The following GLIPR1L2 variants were observed in gnomAD, a reference collection of about 807,000 sequenced individuals.
The protein encoded by GLIPR1L2 is GLIPR1 like 2.
In GLIPR1L2, 21 loss-of-function variants were observed where a neutral mutation model predicts 28.4. The observed-to-expected ratio is 0.74, with a 90% CI of 0.52 to 1.06. The LOEUF (loss-of-function observed/expected upper bound fraction) is 1.06. Among genes scored for constraint, GLIPR1L2 ranks in the 50% least tolerant of loss-of-function variants. The probability of loss-of-function intolerance (pLI) is 0.00; values close to 1 mark genes in which losing one functional copy is unlikely to be tolerated. For synonymous variants in GLIPR1L2, 145 were observed against 139.3 expected (o/e 1.04, Z -0.29); for missense variants, 476 against 416.9 (o/e 1.14, Z -1.23).
Position 75,426,817 on chromosome 12 carries a change from C to T in GLIPR1L2, c.670+3828C>T, listed in dbSNP as rs142906143. 4.9e-3 allele frequency among the ~76,000 whole-genome samples: 742 copies of T among 152,246 alleles called. 4 individuals carry two copies. The highest frequency in any genetic ancestry group is 0.017 in the Middle Eastern group (5 of 294). On this transcript the variant is annotated intron_variant, in intron 4 of 5. Coordinates refer to ENST00000550916, the MANE Select transcript of GLIPR1L2 (RefSeq NM_001270396.2). ...GTGTCAACCAAGAATTTATATACAG[C>T]AAAACCTATTATTCAAGTGTAATGA...
intron 1 of GLIPR1L2, 81 bp from the exon 2 acceptor site, chr12:75,410,353 C>A: frequency 7.7e-7 from 1 of 1,296,176 alleles, no homozygotes; most frequent in Non-Finnish European, 1.0e-6. Context: ...TCCTTTAAAT[C>A]TAATGATAAC....
chr12:75,399,206 T>C (rs2045713471), intron 1 of GLIPR1L2, among the ~76,000 whole-genome samples: 1 of 152,156 alleles, frequency 6.6e-6, no homozygotes, highest in African/African-American at 2.4e-5. Flanking sequence ...AGTAAAATAA[T>C]ACAGTATTAG....
Position 75,391,888 on chromosome 12 carries a change from T to G in GLIPR1L2, c.234+538T>G, listed in dbSNP as rs114231410. ...TGTTTGTTATCTTGATTTTTTTTTT[T>G]TGTGCCCATTCCAAATTTGGCTCCT... On this transcript the variant is annotated intron_variant, in intron 1 of 5. Transcript: ENST00000550916. Among the ~76,000 whole-genome samples the G allele has an allele frequency of 8.9e-3, 1,347 of 151,840 alleles. 23 individuals are homozygous for G. The highest frequency in any genetic ancestry group is 0.031 in the African/African-American group (1,272 of 41,308).
intron 4 of GLIPR1L2, among the ~76,000 whole-genome samples, chr12:75,424,997 C>T (rs940587773): frequency 2.0e-5 from 3 of 152,060 alleles, no homozygotes; most frequent in African/African-American, 4.8e-5. Context: ...ACACGAGATG[C>T]AGTGGGCACG....
At chr12:75,404,360 C>A (rs1235164844) in intron 1 of GLIPR1L2, among the ~76,000 whole-genome samples, 3 of 152,076 alleles carry the variant, frequency 2.0e-5, no homozygotes, top group African/African-American at 4.8e-5. Context: ...ATTCCTCAAA[C>A]TCTCAGAAAA....
intron 1 of GLIPR1L2, among the ~76,000 whole-genome samples, chr12:75,407,190 C>G (rs2045812049): frequency 6.6e-6 from 1 of 152,068 alleles, no homozygotes; most frequent in African/African-American, 2.4e-5. Flanking sequence ...CCCCACTTAT[C>G]CTTGCTGTGT....
chr12:75,410,171 AC>A (rs2045850554), intron 1 of GLIPR1L2, among the ~76,000 whole-genome samples: 1 of 151,754 alleles, frequency 6.6e-6, no homozygotes, highest in Non-Finnish European at 1.5e-5. Context: ...TGAACAGACT[AC>A]ATGTAAGAGT....
chr12:75,393,314 G>T (rs1593994401), intron 1 of GLIPR1L2, among the ~76,000 whole-genome samples: 1 of 151,830 alleles, frequency 6.6e-6, no homozygotes, highest in African/African-American at 2.4e-5. Flanking sequence ...TTGCATTGTT[G>T]TGCACCCATT....
intron 1 of GLIPR1L2, among the ~76,000 whole-genome samples, chr12:75,394,816 A>G (rs2045666854): frequency 1.4e-5 from 2 of 143,420 alleles, no homozygotes; most frequent in African/African-American, 5.1e-5. Context: ...GGTTTCCTTG[A>G]TTTGTAACAT....
intron 1 of GLIPR1L2, among the ~76,000 whole-genome samples, chr12:75,395,519 ATTC>A (rs1464974351): frequency 1.3e-5 from 2 of 151,910 alleles, no homozygotes; most frequent in Non-Finnish European, 2.9e-5. Context: ...ATTGATGTTA[ATTC>A]TTCTTTAAAT....
chr12:75,414,016 A>G (rs1594018538), intron 3 of GLIPR1L2, among the ~76,000 whole-genome samples: 1 of 152,082 alleles, frequency 6.6e-6, no homozygotes, highest in African/African-American at 2.4e-5. Context: ...AAGTAGAAAG[A>G]AAATTAGATG....
chr12:75,411,245 C>T lies in GLIPR1L2; in HGVS notation c.480+566C>T, dbSNP rs73367910. The stretch of plus-strand genomic sequence containing the variant: ...TATATGTCTGATACTACACTGAGGG[C>T]AGGGACCTTACCTTTTCATCCATAT... On this transcript the variant is annotated intron_variant, in intron 2 of 5. Coordinates refer to ENST00000550916, the MANE Select transcript of GLIPR1L2 (RefSeq NM_001270396.2). 3.9e-3 allele frequency among the ~76,000 whole-genome samples: 587 copies of T among 151,910 alleles called. 4 individuals are homozygous for T. The highest frequency in any genetic ancestry group is 0.013 in the African/African-American group (533 of 41,512).
chr12:75,413,162 A>G (rs2045887356), intron 2 of GLIPR1L2, among the ~76,000 whole-genome samples: 1 of 143,102 alleles, frequency 7.0e-6, no homozygotes, highest in African/African-American at 2.7e-5. Context: ...ACATGGACAC[A>G]GGAAGGGGAA....
chr12:75,400,917 T>TTATA lies in GLIPR1L2; in HGVS notation c.235-9507_235-9504dup, dbSNP rs10689115. Among the ~76,000 whole-genome samples the TTATA allele has an allele frequency of 3.9e-3, 584 of 150,780 alleles. 1 individual carries two copies. Among genetic ancestry groups the TTATA allele is most frequent in the Non-Finnish European group, 6.1e-3 (413 of 67,652 alleles). ...CATCAAAATGGAAGTGAGCATAATT[T>TTATA]TATATATATATATGTGTGTGTATTT... On this transcript the variant is annotated intron_variant, in intron 1 of 5. Transcript: ENST00000550916.
At chr12:75,404,949 G>C (rs1408312628) in intron 1 of GLIPR1L2, among the ~76,000 whole-genome samples, 2 of 152,062 alleles carry the variant, frequency 1.3e-5, no homozygotes, top group Non-Finnish European at 2.9e-5. Context: ...TTAAACATAA[G>C]TTTAAGTTTA....
chr12:75,406,948 AGCCCAGTTT>A (rs2045808759), intron 1 of GLIPR1L2, among the ~76,000 whole-genome samples: 2 of 152,026 alleles, frequency 1.3e-5, no homozygotes, highest in South Asian at 4.2e-4. Flanking sequence ...AGTCCCACCT[AGCCCAGTTT>A]AAGGAGAGTC....
chr12:75,396,671 A>G (rs1016515509), intron 1 of GLIPR1L2, among the ~76,000 whole-genome samples: 1 of 152,162 alleles, frequency 6.6e-6, no homozygotes, highest in Non-Finnish European at 1.5e-5. Flanking sequence ...ACCAGCAACA[A>G]CAGAATCACC....
intron 3 of GLIPR1L2, among the ~76,000 whole-genome samples, chr12:75,422,376 T>C (rs1390396303): frequency 2.0e-5 from 3 of 149,704 alleles, no homozygotes; most frequent in African/African-American, 4.9e-5. Context: ...CATCTCAGCT[T>C]ACTGCAAGCT....
At chr12:75,409,239 C>T (rs1361161757) in intron 1 of GLIPR1L2, among the ~76,000 whole-genome samples, 1 of 151,890 alleles carries the variant, frequency 6.6e-6, no homozygotes, top group African/African-American at 2.4e-5. Context: ...GTTGGACACT[C>T]CTGCTCTAAG....
Sources: allele counts gnomAD v4.1 joint callset (sites outside exome capture counted in the v4.1 genomes callset), GRCh38; gene constraint gnomAD v4.1.1; transcripts MANE v1.5; gene names NCBI Gene and HGNC (gene_info 2026-07-23, HGNC 2026-07-21).